ERC2: variants seen among roughly 807,000 people sequenced by gnomAD.
ERC2 encodes the protein ERC protein 2.
ERC2 carries 42 observed loss-of-function variants against 114.8 expected under a neutral mutation model. The observed-to-expected ratio is 0.37, with a 90% confidence interval of 0.29 to 0.47. The LOEUF (loss-of-function observed/expected upper bound fraction) is 0.47. Ranked by LOEUF, ERC2 falls within the 20% of genes least tolerant of loss-of-function variation. The pLI, the probability that ERC2 is intolerant of heterozygous loss-of-function variation, is 0.99. For missense variants in ERC2, 939 were observed against 1,150.7 expected, an observed-to-expected ratio of 0.82 and a Z score of 2.66; for synonymous variants, 454 against 425.5, an observed-to-expected ratio of 1.07 and a Z score of -0.82.
intron 14 of ERC2, among the ~76,000 whole-genome samples, chr3:55,806,988 A>G (rs1272678418): frequency 6.6e-6 from 1 of 152,214 alleles, no homozygotes; most frequent in Non-Finnish European, 1.5e-5. Flanking sequence ...AATCAATGAT[A>G]CTAAAGAGGT....
chr3:55,923,379 G>T (rs1338760195), intron 13 of ERC2, among the ~76,000 whole-genome samples: 5 of 152,052 alleles, frequency 3.3e-5, no homozygotes, highest in Non-Finnish European at 5.9e-5. Context: ...CAGGGACCAG[G>T]GGTATGAGGT....
intron 14 of ERC2, among the ~76,000 whole-genome samples, chr3:55,847,954 G>A (rs1031042647): frequency 5.3e-5 from 8 of 151,876 alleles, no homozygotes; most frequent in South Asian, 2.1e-4. Context: ...GTGCCACCAC[G>A]CCTGGCTAAT....
intron 2 of ERC2, among the ~76,000 whole-genome samples, chr3:56,377,999 G>C (rs1429294186): frequency 6.6e-6 from 1 of 152,156 alleles, no homozygotes; most frequent in Non-Finnish European, 1.5e-5. Context: ...TGAGTCACCA[G>C]ATCACAAAAC....
intron 3 of ERC2, among the ~76,000 whole-genome samples, chr3:56,182,462 A>T (rs2083340990): frequency 6.6e-6 from 1 of 152,232 alleles, no homozygotes; most frequent in Admixed American, 6.5e-5. Context: ...GCTGTGAAGG[A>T]TGATAATAAC....
chr3:56,089,594 T>A (rs1029968430), intron 6 of ERC2, among the ~76,000 whole-genome samples: 29 of 152,254 alleles, frequency 1.9e-4, no homozygotes, highest in East Asian at 1.3e-3. Context: ...AGCTTTTTTT[T>A]AATACTTTTA....
At chr3:56,405,309 C>T (rs977038280) in intron 2 of ERC2, among the ~76,000 whole-genome samples, 2 of 151,592 alleles carry the variant, frequency 1.3e-5, no homozygotes, top group Non-Finnish European at 2.9e-5. Context: ...CCGGGCATGG[C>T]GGTGGGTGCC....
intron 4 of ERC2, among the ~76,000 whole-genome samples, chr3:56,162,879 TG>T (rs1236740844): frequency 1.3e-5 from 2 of 152,118 alleles, no homozygotes; most frequent in Non-Finnish European, 2.9e-5. Context: ...AGTTCTGCTC[TG>T]TTTTTTTTAT....
chr3:56,439,714 C>T (rs545114127), intron 1 of ERC2, among the ~76,000 whole-genome samples: 3 of 151,836 alleles, frequency 2.0e-5, no homozygotes, highest in Non-Finnish European at 4.4e-5. Context: ...ATTGATATCT[C>T]TTTATCTTTA....
chr3:55,554,016 T>C (rs996380197), intron 17 of ERC2, among the ~76,000 whole-genome samples: 1 of 152,234 alleles, frequency 6.6e-6, no homozygotes, highest in Non-Finnish European at 1.5e-5. Flanking sequence ...AACTGTTTCA[T>C]GGAGGAAATA....
chr3:56,297,391 T>C (rs2055520518), intron 2 of ERC2, among the ~76,000 whole-genome samples: 1 of 152,126 alleles, frequency 6.6e-6, no homozygotes, highest in African/African-American at 2.4e-5. Flanking sequence ...ACAGAAAGTC[T>C]TGAAAGTATT....
chr3:56,104,413 C>G (rs932154155), intron 6 of ERC2, among the ~76,000 whole-genome samples: 19 of 152,192 alleles, frequency 1.2e-4, no homozygotes, highest in African/African-American at 4.6e-4. Context: ...CCACTTGAGG[C>G]CAAACCCCAA....
intron 2 of ERC2, among the ~76,000 whole-genome samples, chr3:56,311,983 T>C (rs2056609368): frequency 6.6e-6 from 1 of 152,072 alleles, no homozygotes; most frequent in Non-Finnish European, 1.5e-5. Flanking sequence ...AGAAAAAATA[T>C]AGCATAAGAA....
intron 17 of ERC2, among the ~76,000 whole-genome samples, chr3:55,602,722 C>G (rs1189771126): frequency 6.6e-6 from 1 of 152,176 alleles, no homozygotes; most frequent in South Asian, 2.1e-4. Context: ...CTAACACAAC[C>G]TAACACCTAA....
chr3:56,231,187 G>A (rs921714316), intron 3 of ERC2, among the ~76,000 whole-genome samples: 1 of 152,132 alleles, frequency 6.6e-6, no homozygotes, highest in Non-Finnish European at 1.5e-5. Context: ...GATTAAGCTC[G>A]CTAAACTGTG....
chr3:56,212,405 T>C (rs2049122203), intron 3 of ERC2, among the ~76,000 whole-genome samples: 1 of 152,210 alleles, frequency 6.6e-6, no homozygotes, highest in Non-Finnish European at 1.5e-5. Flanking sequence ...CGCAATGTGA[T>C]ACCACCTTAC....
At chr3:55,977,371 T>C (rs576609284) in intron 12 of ERC2, among the ~76,000 whole-genome samples, 1 of 86,408 alleles carries the variant, frequency 1.2e-5, no homozygotes, top group African/African-American at 4.4e-5. Flanking sequence ...AAGTGACAAA[T>C]GTCAGATCAA....
In ERC2 at chr3:55,746,327, G is replaced by A. The variant is rs141574188; in HGVS notation, c.2565-11409C>T. Among the ~76,000 whole-genome samples, 471 of 151,684 alleles carry A rather than the reference G, an allele frequency of 3.1e-3. 4 individuals are homozygous for A. The highest frequency in any genetic ancestry group is 0.011 in the African/African-American group (442 of 41,412). On this transcript the variant is annotated intron_variant, in intron 14 of 17. Coordinates refer to ENST00000288221, the MANE Select transcript of ERC2 (RefSeq NM_015576.3). ...CGGCTCACTGCATCCTCTGCCTCCC[G>A]GGTTCAAGCGATTCTCCTGCCTCAG...
intron 2 of ERC2, among the ~76,000 whole-genome samples, chr3:56,315,027 G>C (rs528890927): frequency 5.9e-5 from 9 of 152,264 alleles, no homozygotes; most frequent in African/African-American, 2.2e-4. Flanking sequence ...AATGTCTTTG[G>C]TCTAGACGCA....
chr3:55,944,061 T>G (rs2066978850), intron 13 of ERC2, among the ~76,000 whole-genome samples: 1 of 152,252 alleles, frequency 6.6e-6, no homozygotes, highest in Non-Finnish European at 1.5e-5. Context: ...AGTGTGAGTT[T>G]GCTTAGAAAG....
Sources: allele counts gnomAD v4.1 joint callset (sites outside exome capture counted in the v4.1 genomes callset), GRCh38; gene constraint gnomAD v4.1.1; transcripts MANE v1.5; gene names NCBI Gene and HGNC (gene_info 2026-07-23, HGNC 2026-07-21).